The following CLNK variants were observed in gnomAD, a reference collection of about 807,000 sequenced individuals.
CLNK encodes cytokine dependent hematopoietic cell linker, also known as cytokine-dependent hematopoietic cell linker.
Under a neutral mutation model 68.6 loss-of-function variants are expected in CLNK, and 74 were observed. The ratio of observed to expected loss-of-function variants is 1.08; its 90% confidence interval spans 0.89 to 1.31. CLNK has a LOEUF of 1.31. Ranked by LOEUF, CLNK falls within the 50% of genes most tolerant of loss-of-function variation. The pLI is 0.00. For synonymous variants in CLNK, 198 were observed against 172.2 expected, an observed-to-expected ratio of 1.15 and a Z score of -1.17; for missense variants, 553 against 515.3, an observed-to-expected ratio of 1.07 and a Z score of -0.71.
At chr4:10,537,621 CTTTCTTTCTTTCTTTCTCTTTCTT>C (rs1227720936) in intron 11 of CLNK, among the ~76,000 whole-genome samples, 33 of 144,242 alleles carry the variant, frequency 2.3e-4, no homozygotes, top group Middle Eastern at 3.5e-3. Context: ...TTCTCTCTCT[CTTTCTTTCTTTCTTTCTCTTTCTT>C]TCTTTCTTTC....
At chr4:10,617,574 A>G (rs1418685895) in intron 2 of CLNK, among the ~76,000 whole-genome samples, 16 of 152,238 alleles carry the variant, frequency 1.1e-4, no homozygotes, top group African/African-American at 3.9e-4. Flanking sequence ...GGTAAATTAA[A>G]TGGCAATGAA....
intron 3 of CLNK, 90 bp downstream of exon 3, chr4:10,597,888 T>G: frequency 1.2e-6 from 1 of 858,546 alleles, no homozygotes; most frequent in Non-Finnish European, 1.9e-6. Flanking sequence ...TTCCATCACA[T>G]TGACAATTTT....
intron 7 of CLNK, among the ~76,000 whole-genome samples, chr4:10,562,073 G>A (rs950038351): frequency 6.7e-6 from 1 of 149,826 alleles, no homozygotes; most frequent in Non-Finnish European, 1.5e-5. Context: ...GGATCTTATT[G>A]AAGATTCATT....
intron 1 of CLNK, among the ~76,000 whole-genome samples, chr4:10,676,435 G>T (rs1724878828): frequency 7.4e-6 from 1 of 135,326 alleles, no homozygotes; most frequent in South Asian, 2.3e-4. Context: ...TGCTTTCCTA[G>T]TTTTTCTGCT....
At chr4:10,704,639 A>G in the CLNK span, among the ~76,000 whole-genome samples, 39 of 152,098 alleles carry the variant, frequency 2.6e-4, no homozygotes, top group Non-Finnish European at 4.9e-4. Flanking sequence ...CTCTAGGCCC[A>G]GGACATGGCA....
At chr4:10,731,993 A>G in the CLNK span, among the ~76,000 whole-genome samples, 5 of 152,196 alleles carry the variant, frequency 3.3e-5, no homozygotes, top group African/African-American at 1.2e-4. Context: ...AAATGTCCTC[A>G]TTATGGCTGA....
chr4:10,511,180 A>G (rs540191914), intron 16 of CLNK, among the ~76,000 whole-genome samples: 170 of 152,210 alleles, frequency 1.1e-3, no homozygotes, highest in Non-Finnish European at 2.1e-3. Context: ...AAAAAAAAAA[A>G]AAGCATATTT....
At chr4:10,557,115 A>G (rs1719705650) in intron 8 of CLNK, among the ~76,000 whole-genome samples, 1 of 151,758 alleles carries the variant, frequency 6.6e-6, no homozygotes, top group Non-Finnish European at 1.5e-5. Context: ...AAATAAATAA[A>G]TAAATGGAGA....
chr4:10,700,556 A>C, the CLNK span, among the ~76,000 whole-genome samples: 5 of 152,210 alleles, frequency 3.3e-5, no homozygotes, highest in Non-Finnish European at 7.4e-5. Flanking sequence ...ATAATTTTAC[A>C]GATAAGGCAG....
intron 2 of CLNK, among the ~76,000 whole-genome samples, chr4:10,599,131 C>T (rs1721492456): frequency 6.6e-6 from 1 of 152,238 alleles, no homozygotes; most frequent in Non-Finnish European, 1.5e-5. Flanking sequence ...CTTGTGTTCA[C>T]ATCTGACTGT....
At chr4:10,633,737 A>G (rs944855104) in intron 2 of CLNK, among the ~76,000 whole-genome samples, 3 of 152,238 alleles carry the variant, frequency 2.0e-5, no homozygotes, top group Non-Finnish European at 2.9e-5. Context: ...AAGCAGACAG[A>G]ATCTGTCACT....
At chr4:10,557,131 G>T (rs1577127667) in intron 8 of CLNK, among the ~76,000 whole-genome samples, 1 of 147,250 alleles carries the variant, frequency 6.8e-6, no homozygotes, top group Non-Finnish European at 1.5e-5. Flanking sequence ...GGAGAACTCA[G>T]GTTAGGGGTC....
intron 2 of CLNK, among the ~76,000 whole-genome samples, chr4:10,600,582 A>G (rs1265569893): frequency 6.6e-6 from 1 of 152,216 alleles, no homozygotes; most frequent in Non-Finnish European, 1.5e-5. Context: ...TTGCAAGGGT[A>G]GATTGTAGCC....
intron 2 of CLNK, 48 bp downstream of exon 2, chr4:10,667,811 C>A (rs377177409): frequency 1.9e-6 from 3 of 1,539,230 alleles, no homozygotes; most frequent in East Asian, 2.4e-5. Flanking sequence ...CCTCCTGTCC[C>A]CACCAAGAAA....
At chr4:10,667,114 G>A (rs918925856) in intron 2 of CLNK, among the ~76,000 whole-genome samples, 8 of 152,304 alleles carry the variant, frequency 5.3e-5, no homozygotes, top group African/African-American at 1.9e-4. Flanking sequence ...TCATTCTCCA[G>A]TATCATACAG....
chr4:10,505,652 A>G (rs557024938), intron 17 of CLNK, among the ~76,000 whole-genome samples: 6 of 152,076 alleles, frequency 3.9e-5, no homozygotes, highest in Non-Finnish European at 7.4e-5. Context: ...TCTCCCATTC[A>G]TCTGACCTCA....
chr4:10,490,495 G>C lies in CLNK; in HGVS notation c.1259C>G (p.Pro420Arg). ...CAGAGGCAAGAGGTGTCTGGTGAGA[G>C]GGAGTGGCTGAGTGAGGTGACACTG... ...RKQCHLTQPL[P>R]LTRHLLPL Residue 420 changes from proline to arginine, a missense_variant, in exon 19 of 19, where the codon CCT becomes CGT. Transcript: ENST00000226951. 6.2e-7 allele frequency: 1 copy of C among 1,613,426 alleles called. No homozygotes were observed. The highest frequency in any genetic ancestry group is 2.2e-5 in the East Asian group (1 of 44,870).
intron 5 of CLNK, among the ~76,000 whole-genome samples, 169 bp downstream of exon 5, chr4:10,571,572 G>C (rs1720353843): frequency 6.6e-6 from 1 of 152,034 alleles, no homozygotes; most frequent in Admixed American, 6.6e-5. Flanking sequence ...CTGGCCTCAG[G>C]TGATCTGCCC....
chr4:10,699,253 G>GTA, the CLNK span, among the ~76,000 whole-genome samples: 1 of 25,430 alleles, frequency 3.9e-5, no homozygotes, highest in Non-Finnish European at 9.4e-5. Flanking sequence ...TACACACCAC[G>GTA]TATGTGTGTA....
Sources: allele counts gnomAD v4.1 joint callset (sites outside exome capture counted in the v4.1 genomes callset), GRCh38; gene constraint gnomAD v4.1.1; transcripts MANE v1.5; gene names NCBI Gene and HGNC (gene_info 2026-07-23, HGNC 2026-07-21).